The following ANK3 variants were observed in gnomAD, a reference collection of about 807,000 sequenced individuals.
ANK3 encodes ankyrin-3.
In ANK3, 57 loss-of-function variants were observed where a neutral mutation model predicts 370.9. The ratio of observed to expected loss-of-function variants is 0.15; its 90% confidence interval spans 0.12 to 0.19. ANK3 has a LOEUF of 0.19. ANK3 is among the 10% of genes least tolerant of loss of function. ANK3 has a pLI of 1.00. For missense variants in ANK3, 4,439 were observed against 5,302.1 expected (o/e 0.84, Z 5.06); for synonymous variants, 1,929 against 1,946.3 (o/e 0.99, Z 0.23).
At chr10:60,381,203 A>G (rs2061500843) in intron 1 of ANK3, among the ~76,000 whole-genome samples, 1 of 152,110 alleles carries the variant, frequency 6.6e-6, no homozygotes, top group Admixed American at 6.6e-5. Flanking sequence ...TTCTTCATTC[A>G]ACCCAAGCAG....
At chr10:60,344,916 G>A (rs1176872454) in intron 1 of ANK3, among the ~76,000 whole-genome samples, 1 of 152,178 alleles carries the variant, frequency 6.6e-6, no homozygotes, top group Admixed American at 6.5e-5. Flanking sequence ...AGAATGGAAA[G>A]TAGGCATCAT....
At chr10:60,728,680 C>G (rs1189828283) in intron 1 of ANK3, among the ~76,000 whole-genome samples, 4 of 152,142 alleles carry the variant, frequency 2.6e-5, no homozygotes, top group Non-Finnish European at 4.4e-5. Context: ...GGAAGTGATA[C>G]ATTTCTGAGG....
rs2094229788 is a variant in ANK3 at position 60,134,267 on chromosome 10, A to AT, written c.2841+3dup. The AT allele has an allele frequency of 6.2e-7, 1 of 1,611,474 alleles. No individual in the cohort carries two copies. The highest frequency in any genetic ancestry group is 8.5e-7 in the Non-Finnish European group (1 of 1,178,394). On this transcript the variant is annotated splice_donor_region_variant and intron_variant, in intron 25 of 43. Transcript: ENST00000280772. The stretch of plus-strand genomic sequence containing the variant: ...TCAAAGGCTATTTTGAAAAGAATGC[A>AT]TACCTGCTCTTTGGATGGCACAAGG...
chr10:60,193,107 A>AT (rs1225932913), intron 16 of ANK3, among the ~76,000 whole-genome samples: 2 of 152,228 alleles, frequency 1.3e-5, no homozygotes, highest in African/African-American at 4.8e-5. Context: ...CAGAGATGGC[A>AT]TTACCCAGGC....
chr10:60,436,908 C>T (rs1002556931), intron 2 of ANK3, among the ~76,000 whole-genome samples: 1 of 152,172 alleles, frequency 6.6e-6, no homozygotes, highest in African/African-American at 2.4e-5. Context: ...AGAAACAGAA[C>T]AACAGATTTA....
Position 60,167,964 on chromosome 10 carries a change from A to G in ANK3, c.2479-1068T>C, listed in dbSNP as rs548452753. ...TGAGATTTATAGAATAATTGTGAAG[A>G]TAGTATAGACAGTTCCCATATACCC... On this transcript the variant is annotated intron_variant, in intron 21 of 43. Coordinates refer to ENST00000280772, the MANE Select transcript of ANK3 (RefSeq NM_020987.5). 6.6e-5 allele frequency among the ~76,000 whole-genome samples: 10 copies of G among 152,298 alleles called. No individual in the cohort carries two copies. In the East Asian group the frequency reaches 1.7e-3, roughly 26 times the overall value.
At chr10:60,317,035 C>T (rs911236761) in intron 1 of ANK3, among the ~76,000 whole-genome samples, 1 of 152,088 alleles carries the variant, frequency 6.6e-6, no homozygotes, top group African/African-American at 2.4e-5. Flanking sequence ...CGTGAGCCAC[C>T]GTGCCTGGCC....
At chr10:60,317,807 G>A (rs925009090) in intron 1 of ANK3, among the ~76,000 whole-genome samples, 6 of 150,922 alleles carry the variant, frequency 4.0e-5, no homozygotes, top group African/African-American at 1.5e-4. Flanking sequence ...TCCACCTCGC[G>A]GGTTCATGCT....
Position 60,591,347 on chromosome 10 carries a change from A to ATTTATTTT in ANK3, c.96+23838_96+23839insAAAATAAA, listed in dbSNP as rs1026154704. On this transcript the variant is annotated intron_variant, in intron 2 of 43. Coordinates refer to the ANK3 transcript ENST00000373827. ...TATTTATTTATTTATTTATTTATTT[A>ATTTATTTT]TTTTTGTGGCAGAGTCTTGCTCTGT... Among the ~76,000 whole-genome samples, 8 of 122,584 alleles carry ATTTATTTT rather than the reference A, an allele frequency of 6.5e-5. No individual in the cohort carries two copies. In the South Asian group the frequency reaches 2.1e-3, roughly 32 times the overall value. The allele number at this position is 122,584 out of a possible 152,430, so 80.4% of individuals were successfully genotyped here.
At chr10:60,238,135 C>T (rs1360003691) in intron 7 of ANK3, among the ~76,000 whole-genome samples, 3 of 152,150 alleles carry the variant, frequency 2.0e-5, no homozygotes, top group African/African-American at 7.2e-5. Context: ...GAAAGTGGTA[C>T]CTCAGGGCCA....
chr10:60,407,566 C>T (rs1387813239), intron 2 of ANK3, among the ~76,000 whole-genome samples: 3 of 152,174 alleles, frequency 2.0e-5, no homozygotes, highest in Admixed American at 2.0e-4. Context: ...GTGCCAAGCA[C>T]TGTGCTAAGT....
intron 2 of ANK3, among the ~76,000 whole-genome samples, chr10:60,567,305 C>CT (rs1303751189): frequency 6.6e-6 from 1 of 152,102 alleles, no homozygotes; most frequent in Non-Finnish European, 1.5e-5. Context: ...CCAATGCTCA[C>CT]TTACCACTCT....
At chr10:60,371,541 G>A (rs542614079) in intron 1 of ANK3, among the ~76,000 whole-genome samples, 36 of 152,166 alleles carry the variant, frequency 2.4e-4, no homozygotes, top group African/African-American at 8.2e-4. Context: ...TTGAAATATT[G>A]TTGAATCAAA....
chr10:60,279,521 T>C lies in ANK3; in HGVS notation c.216+17A>G, dbSNP rs2098133339. Reference sequence around the variant, plus strand: ...TTAGAATTTTAAGTAAAAAATTCAATAATAACTCCAGCTAACCTGATTGCA... The same window carrying C: ...TTAGAATTTTAAGTAAAAAATTCAACAATAACTCCAGCTAACCTGATTGCA... On this transcript the variant is annotated intron_variant, in intron 2 of 43. Coordinates refer to ENST00000280772, the MANE Select transcript of ANK3 (RefSeq NM_020987.5). 2 of 1,569,148 alleles carry C rather than the reference T, an allele frequency of 1.3e-6. No homozygotes were observed. Among genetic ancestry groups the C allele is most frequent in the Non-Finnish European group, 1.7e-6 (2 of 1,159,062 alleles).
At chr10:60,422,644 A>G (rs2063802800) in intron 2 of ANK3, among the ~76,000 whole-genome samples, 1 of 152,112 alleles carries the variant, frequency 6.6e-6, no homozygotes, top group Non-Finnish European at 1.5e-5. Flanking sequence ...AATTTGGTTC[A>G]TAAACATAGC....
intron 1 of ANK3, among the ~76,000 whole-genome samples, chr10:60,314,733 C>A (rs930193048): frequency 6.6e-6 from 1 of 152,190 alleles, no homozygotes; most frequent in Non-Finnish European, 1.5e-5. Context: ...ACAGCACACA[C>A]CTGGCTCAAG....
Position 60,072,937 on chromosome 10 carries a change from C to G in ANK3, c.7944G>C (p.Lys2648Asn). 6.2e-7 allele frequency: 1 copy of G among 1,614,120 alleles called. No homozygotes were observed. The highest frequency in any genetic ancestry group is 8.5e-7 in the Non-Finnish European group (1 of 1,180,016). ...ELLASNDEWV[K>N]ARQHGPDGQG... Reference sequence around the variant, plus strand: ...GTCCATCAGGGCCATGCTGTCTTGCCTTAACCCACTCATCATTGGATGCCA... The same window carrying G: ...GTCCATCAGGGCCATGCTGTCTTGCGTTAACCCACTCATCATTGGATGCCA... The change falls in exon 37 of 44, where the codon AAG (lysine) becomes AAC (asparagine). Residue 2648 changes from lysine (K) to asparagine (N), a missense_variant. Lys to Asn is a moderately conservative substitution (Grantham distance 94, BLOSUM62 0). Around this residue, in one of 13 missense-constraint regions of ANK3, gnomAD observed 1,601 missense variants for 1,731.7 expected, o/e 0.92. Coordinates refer to ENST00000280772, the MANE Select transcript of ANK3 (RefSeq NM_020987.5).
At position 60,082,717 on chromosome 10, in the gene ANK3, C is replaced by T. The variant is rs376360953; in HGVS notation, c.4221G>A (p.Glu1407=). 7 of 1,613,744 alleles carry T rather than the reference C, an allele frequency of 4.3e-6. No individual in the cohort carries two copies. Among genetic ancestry groups the T allele is most frequent in the Non-Finnish European group, 4.2e-6 (5 of 1,179,924 alleles). The change falls in exon 34 of 44, where the codon GAG becomes GAA. Residue 1407 remains glutamate (E), a synonymous_variant. Coordinates refer to ENST00000280772, the MANE Select transcript of ANK3 (RefSeq NM_020987.5). ...TCAGAAAAGACAGACGACCACAGGG[C>T]TCTTGGCTGGTGTCTCTAATCTAGA... is the stretch of plus-strand genomic sequence containing the variant. ...FSIKIRDTSQ[E]PCGRLSFLKE...
intron 2 of ANK3, among the ~76,000 whole-genome samples, chr10:60,491,513 T>C (rs2075504159): frequency 6.6e-6 from 1 of 152,232 alleles, no homozygotes; most frequent in East Asian, 1.9e-4. Flanking sequence ...ATTCTTTCTA[T>C]TCCTTTCTAT....
Sources: gnomAD v4.1 joint callset for allele counts (sites outside exome capture counted in the v4.1 genomes callset) on GRCh38, gnomAD v4.1.1 for gene constraint, gnomAD v4.1.1 regional missense constraint, MANE v1.5 for transcripts, NCBI Gene and HGNC (gene_info 2026-07-23, HGNC 2026-07-21) for gene names.